TRIM4: variants seen among roughly 807,000 people sequenced by gnomAD.
TRIM4 encodes E3 ubiquitin-protein ligase TRIM4.
Under a neutral mutation model 33.7 loss-of-function variants are expected in TRIM4, and 29 were observed. The observed-to-expected ratio is 0.86, with a 90% confidence interval of 0.64 to 1.17. TRIM4 has a LOEUF of 1.17. TRIM4 is among the 50% of genes most tolerant of loss of function. The pLI is 0.00. For missense variants in TRIM4, 554 were observed against 593.7 expected (o/e 0.93, Z 0.69); for synonymous variants, 224 against 233.0 (o/e 0.96, Z 0.35).
intron 5 of TRIM4, among the ~76,000 whole-genome samples, chr7:99,893,760 C>G (rs541402821): frequency 2.8e-4 from 42 of 152,160 alleles, no homozygotes; most frequent in Non-Finnish European, 5.3e-4. Flanking sequence ...CTCCCCTCCA[C>G]TCCCATTGCC....
chr7:99,904,131 T>C (rs1018893485), intron 3 of TRIM4, among the ~76,000 whole-genome samples: 2 of 152,202 alleles, frequency 1.3e-5, no homozygotes, highest in Non-Finnish European at 2.9e-5. Context: ...GAGACTATTA[T>C]AACCTTGTTC....
chr7:99,892,549 T>G lies in TRIM4; in HGVS notation c.1039A>C (p.Asn347His), dbSNP rs1221799771. ...FQHLPCVLGK[N>H]VFTSGKHYWE... Reference sequence around the variant, plus strand: ...TAATGTTTCCCTGAGGTGAAAACGTTTTTTCCCAGAACACAGGGTAAGTGC... The same window carrying G: ...TAATGTTTCCCTGAGGTGAAAACGTGTTTTCCCAGAACACAGGGTAAGTGC... The change falls in exon 6 of 6, where the codon AAC (asparagine) becomes CAC (histidine). Residue 347 changes from asparagine (N) to histidine (H), a missense_variant. Asn to His is a moderately conservative substitution (Grantham distance 68). This residue lies in a region of TRIM4 where 290 missense variants were observed against 335.8 expected (regional missense o/e 0.86). Transcript: ENST00000349062. The G allele has an allele frequency of 5.0e-6, 8 of 1,614,162 alleles. No homozygotes were observed. The highest frequency in any genetic ancestry group is 6.8e-6 in the Non-Finnish European group (8 of 1,180,024).
At chr7:99,912,375 C>T (rs1481612096) in intron 1 of TRIM4, among the ~76,000 whole-genome samples, 1 of 151,810 alleles carries the variant, frequency 6.6e-6, no homozygotes, top group East Asian at 1.9e-4. Context: ...TACTAAAATA[C>T]AAAAGAAATA....
rs1818921852 is a variant in TRIM4, at chr7:99,892,687, T to C, written c.901A>G (p.Arg301Gly). The C allele has an allele frequency of 1.2e-6, 2 of 1,613,992 alleles. No homozygotes were observed. Among genetic ancestry groups the C allele is most frequent in the African/African-American group, 1.3e-5 (1 of 74,930 alleles). Residue 301 changes from arginine to glycine, a missense_variant, in exon 6 of 6, where the codon AGA (arginine) becomes GGA (glycine). Arg to Gly is a moderately radical substitution (Grantham distance 125, BLOSUM62 -2). This residue lies in a region of TRIM4 where 290 missense variants were observed against 335.8 expected (regional missense o/e 0.86). Coordinates refer to ENST00000349062, the MANE Select transcript of TRIM4 (RefSeq NM_033091.3). ...HPKLVFSQEG[R>G]YVKNTASASS... is the part of the protein sequence containing the mutation. ...GCTGATGCTGTATTTTTCACGTATC[T>C]CCCTTCCTGGGAGAAGACGAGTTTG...
rs1818923623 is a variant in TRIM4 at position 99,892,762 on chromosome 7, G to C, written c.842-16C>G. On this transcript the variant is annotated splice_polypyrimidine_tract_variant and intron_variant, in intron 5 of 5. Coordinates refer to ENST00000349062, the MANE Select transcript of TRIM4 (RefSeq NM_033091.3). ...TTTACAGCCACTGTGGAGAAAATGA[G>C]AGCTAAGTAGTGCAGCAGCTTATCA... The C allele has an allele frequency of 6.3e-7, 1 of 1,595,784 alleles. No homozygotes were observed. Among genetic ancestry groups the C allele is most frequent in the Non-Finnish European group, 8.5e-7 (1 of 1,171,612 alleles).
At chr7:99,912,478 C>T (rs202208817) in intron 1 of TRIM4, among the ~76,000 whole-genome samples, 19 of 149,762 alleles carry the variant, frequency 1.3e-4, no homozygotes, top group Non-Finnish European at 2.4e-4. Context: ...TTCAGTGAGC[C>T]GAGATCACAC....
intron 5 of TRIM4, among the ~76,000 whole-genome samples, chr7:99,897,553 A>G (rs1819046864): frequency 6.6e-6 from 1 of 152,176 alleles, no homozygotes; most frequent in Non-Finnish European, 1.5e-5. Flanking sequence ...ATAAATATGT[A>G]AAATTATTAT....
Position 99,892,791 on chromosome 7 carries a change from ACCCTTCCC to A in TRIM4, c.842-53_842-46del, listed in dbSNP as rs751200124. On this transcript the variant is annotated intron_variant, in intron 5 of 5. Transcript: ENST00000349062. ...TAAGTAGTGCAGCAGCTTATCATCA[ACCCTTCCC>A]CAGAAATGCCCATCTTTTCCAGCAT... 3 of 1,490,010 alleles carry A rather than the reference ACCCTTCCC, an allele frequency of 2.0e-6. No homozygotes were observed. In the Admixed American group the frequency reaches 5.9e-5, roughly 29 times the overall value. 92.3% of individuals were successfully genotyped at this position (1,490,010 alleles called of 1,614,324 possible).
intron 3 of TRIM4, among the ~76,000 whole-genome samples, chr7:99,904,595 A>G (rs1162725599): frequency 1.3e-5 from 2 of 152,222 alleles, no homozygotes; most frequent in Admixed American, 1.3e-4. Flanking sequence ...CTAGATGTTG[A>G]CAATAGGGGA....
chr7:99,896,637 TAGCCC>T (rs938854275), intron 5 of TRIM4, among the ~76,000 whole-genome samples: 1 of 152,166 alleles, frequency 6.6e-6, no homozygotes, highest in Non-Finnish European at 1.5e-5. Flanking sequence ...GCACAACAAT[TAGCCC>T]AGCAGGAGGT....
intron 3 of TRIM4, among the ~76,000 whole-genome samples, chr7:99,907,415 T>G (rs1819333466): frequency 6.6e-6 from 1 of 152,202 alleles, no homozygotes; most frequent in South Asian, 2.1e-4. Flanking sequence ...CGGCCCCAGT[T>G]TCATCTTTTT....
intron 3 of TRIM4, 145 bp downstream of exon 3, chr7:99,908,437 G>A (rs1459200339): frequency 1.5e-6 from 1 of 669,138 alleles, no homozygotes; most frequent in East Asian, 2.5e-5. Flanking sequence ...TGAATCTTTG[G>A]CTTTTTAGTT....
intron 1 of TRIM4, among the ~76,000 whole-genome samples, chr7:99,914,219 A>G (rs1461226933): frequency 6.6e-6 from 1 of 152,204 alleles, no homozygotes; most frequent in Non-Finnish European, 1.5e-5. Flanking sequence ...CCACAGTGGC[A>G]CGATCATAGC....
intron 5 of TRIM4, among the ~76,000 whole-genome samples, chr7:99,899,204 C>T (rs1192488382): frequency 6.6e-6 from 1 of 152,126 alleles, no homozygotes; most frequent in Admixed American, 6.5e-5. Context: ...GAAATGCACT[C>T]CTCATCTATA....
chr7:99,909,482 A>G (rs1370149465), intron 2 of TRIM4, 83 bp downstream of exon 2: 4 of 1,195,404 alleles, frequency 3.3e-6, no homozygotes, highest in Non-Finnish European at 4.9e-6. Flanking sequence ...AAACCCCATG[A>G]CCAAAAGGAC....
chr7:99,894,506 A>T (rs1366195671), intron 5 of TRIM4, among the ~76,000 whole-genome samples: 1 of 152,084 alleles, frequency 6.6e-6, no homozygotes, highest in Non-Finnish European at 1.5e-5. Context: ...CTACTAAAAA[A>T]AAATACAAAA....
chr7:99,909,115 A>G lies in TRIM4; in HGVS notation c.490-303T>C, dbSNP rs1261647821. On this transcript the variant is annotated intron_variant, in intron 2 of 5. Coordinates refer to ENST00000349062, the MANE Select transcript of TRIM4 (RefSeq NM_033091.3). ...CTTCAGAACTCGTTTAGTTTTACCAAATCTTTAGGAGTGTGAGGGTGTGTG... is the reference window on the plus strand; with the variant it reads ...CTTCAGAACTCGTTTAGTTTTACCAGATCTTTAGGAGTGTGAGGGTGTGTG... Among the ~76,000 whole-genome samples the G allele has an allele frequency of 5.4e-5, 8 of 147,672 alleles. No individual in the cohort carries two copies. The South Asian group carries it at 1.1e-3, about 21-fold the overall frequency.
Position 99,919,022 on chromosome 7 carries a change from A to G in TRIM4, c.380T>C (p.Phe127Ser). The G allele has an allele frequency of 1.9e-6, 3 of 1,591,310 alleles. No individual in the cohort carries two copies. The highest frequency in any genetic ancestry group is 1.7e-6 in the Non-Finnish European group (2 of 1,170,926). ...THAMAPIDEAFESYREKLLKS... is the reference protein window; with the variant it reads ...THAMAPIDEASESYREKLLKS... ...CGGCCAGCTCACCCGGTAGCTCTCG[A>G]AGGCCTCGTCGATGGGTGCCATGGC... is the stretch of plus-strand genomic sequence containing the variant. Residue 127 changes from phenylalanine to serine, a missense_variant, in exon 1 of 6, where the codon TTC becomes TCC. Transcript: ENST00000349062.
Position 99,908,799 on chromosome 7 carries a change from C to G in TRIM4, c.503G>C (p.Ser168Thr), listed in dbSNP as rs775952000. ...CTCCGTGCTGATTCTCATTCGCTGA[C>G]TCTTTATCTTATCCTAAGGCCACAT... ...NATQWKDKIK[S>T]QRMRISTEFS... The change falls in exon 3 of 6, where the codon AGT (serine) becomes ACT (threonine). Residue 168 changes from serine (S) to threonine (T), a missense_variant. Physicochemically the swap from Ser to Thr is moderately conservative, Grantham distance 58. Transcript: ENST00000349062. The G allele has an allele frequency of 1.2e-6, 2 of 1,613,882 alleles. No homozygotes were observed. Among genetic ancestry groups the G allele is most frequent in the South Asian group, 2.2e-5 (2 of 91,072 alleles).
Sources: gnomAD v4.1 joint callset for allele counts (sites outside exome capture counted in the v4.1 genomes callset) on GRCh38, gnomAD v4.1.1 for gene constraint, gnomAD v4.1.1 regional missense constraint, MANE v1.5 for transcripts, NCBI Gene and HGNC (gene_info 2026-07-23, HGNC 2026-07-21) for gene names.